CNTN1: variants seen among roughly 807,000 people sequenced by gnomAD.
CNTN1 encodes contactin-1.
A neutral mutation model predicts 126.4 loss-of-function variants in CNTN1; 38 were observed. That is an observed-to-expected ratio of 0.30 (90% CI 0.23 to 0.39). The LOEUF (loss-of-function observed/expected upper bound fraction) is 0.39. CNTN1 is among the 10% of genes least tolerant of loss of function. The pLI, the probability that CNTN1 is intolerant of heterozygous loss-of-function variation, is 1.00. For synonymous variants in CNTN1, 413 were observed against 422.6 expected, an observed-to-expected ratio of 0.98 and a Z score of 0.28; for missense variants, 1,009 against 1,248.4, an observed-to-expected ratio of 0.81 and a Z score of 2.89.
At chr12:40,875,385 G>A (rs974045909) in intron 1 of CNTN1, among the ~76,000 whole-genome samples, 1 of 151,910 alleles carries the variant, frequency 6.6e-6, no homozygotes, top group Non-Finnish European at 1.5e-5. Flanking sequence ...TTGCCCATTT[G>A]TATCCACACC....
At chr12:40,728,519 G>C (rs1020044106) in intron 1 of CNTN1, among the ~76,000 whole-genome samples, 1 of 152,090 alleles carries the variant, frequency 6.6e-6, no homozygotes, top group Admixed American at 6.6e-5. Context: ...GGTAGAACTA[G>C]ACCCTACTTG....
Position 40,707,073 on chromosome 12 carries a change from CA to C in CNTN1, c.-77+14482del, listed in dbSNP as rs1426365523. On this transcript the variant is annotated intron_variant, in intron 1 of 23. Coordinates refer to ENST00000551295, the MANE Select transcript of CNTN1 (RefSeq NM_001843.4). Reference sequence around the variant, plus strand: ...ACACACACACACACACACACACACACACACACACACACACACCCCTGCTCAG... The same window carrying C: ...ACACACACACACACACACACACACACCACACACACACACACCCCTGCTCAG... 2.9e-3 allele frequency among the ~76,000 whole-genome samples: 443 copies of C among 150,890 alleles called. 5 individuals are homozygous for C. The highest frequency in any genetic ancestry group is 9.9e-3 in the African/African-American group (399 of 40,494).
chr12:40,810,770 C>A (rs1159425189), intron 1 of CNTN1, among the ~76,000 whole-genome samples: 1 of 152,056 alleles, frequency 6.6e-6, no homozygotes, highest in African/African-American at 2.4e-5. Context: ...TAATTTCAGA[C>A]CTTTGGGAGG....
intron 14 of CNTN1, among the ~76,000 whole-genome samples, chr12:40,950,598 A>G (rs940664249): frequency 4.6e-5 from 7 of 152,182 alleles, no homozygotes; most frequent in Non-Finnish European, 8.8e-5. Flanking sequence ...TTTTCTTATC[A>G]GTAGTTAGTT....
At chr12:40,769,071 T>A (rs767298814) in intron 1 of CNTN1, among the ~76,000 whole-genome samples, 2 of 152,188 alleles carry the variant, frequency 1.3e-5, no homozygotes, top group Non-Finnish European at 2.9e-5. Flanking sequence ...TGAGTGGGTA[T>A]AATTGCTTTC....
At chr12:41,066,541 A>G (rs1950052682) in intron 23 of CNTN1, among the ~76,000 whole-genome samples, 1 of 152,306 alleles carries the variant, frequency 6.6e-6, no homozygotes, top group Middle Eastern at 3.4e-3. Context: ...TCTGTCTTGA[A>G]GTTGTTCATA....
chr12:41,068,144 T>C (rs1950087679), intron 23 of CNTN1, among the ~76,000 whole-genome samples: 1 of 152,162 alleles, frequency 6.6e-6, no homozygotes, highest in Admixed American at 6.5e-5. Flanking sequence ...GCTGGACAAA[T>C]TTGAATTCTA....
intron 1 of CNTN1, among the ~76,000 whole-genome samples, chr12:40,719,335 T>C (rs1361517781): frequency 6.6e-6 from 1 of 152,202 alleles, no homozygotes; most frequent in Non-Finnish European, 1.5e-5. Context: ...TTTCGGAGTA[T>C]GGTATTTATG....
intron 23 of CNTN1, among the ~76,000 whole-genome samples, chr12:41,047,836 A>C (rs374699670): frequency 6.6e-6 from 1 of 151,816 alleles, no homozygotes; most frequent in African/African-American, 2.4e-5. Context: ...TTTCATTACT[A>C]TCTACATAAT....
chr12:40,733,697 A>G (rs1942553138), intron 1 of CNTN1, among the ~76,000 whole-genome samples: 1 of 151,980 alleles, frequency 6.6e-6, no homozygotes, highest in Non-Finnish European at 1.5e-5. Flanking sequence ...TAAATATTTT[A>G]TATTTAAAAA....
At chr12:40,866,738 T>A (rs764487993) in intron 1 of CNTN1, among the ~76,000 whole-genome samples, 1 of 152,206 alleles carries the variant, frequency 6.6e-6, no homozygotes, top group Admixed American at 6.5e-5. Context: ...AATTTTTACA[T>A]TTGTGGATCT....
chr12:40,700,328 C>A (rs1198932664), intron 1 of CNTN1, among the ~76,000 whole-genome samples: 1 of 151,954 alleles, frequency 6.6e-6, no homozygotes, highest in African/African-American at 2.4e-5. Flanking sequence ...GAGTTTGAGA[C>A]CAGCCTGGCC....
At chr12:41,059,238 A>T (rs1156822259) in intron 23 of CNTN1, among the ~76,000 whole-genome samples, 2 of 151,578 alleles carry the variant, frequency 1.3e-5, no homozygotes, top group Non-Finnish European at 2.9e-5. Flanking sequence ...ACAGCCTCAA[A>T]CAGGTGAATC....
In CNTN1 at chr12:41,002,620, C is replaced by T. The variant is rs146866575; in HGVS notation, c.2113+9351C>T. On this transcript the variant is annotated intron_variant, in intron 17 of 23. Coordinates refer to ENST00000551295, the MANE Select transcript of CNTN1 (RefSeq NM_001843.4). ...TTGCCCAGGCTGGAGTGCAGTGGTG[C>T]AATCTCCGCTCACTGCAACCTCTGC... Among the ~76,000 whole-genome samples, 631 of 143,622 alleles carry T rather than the reference C, an allele frequency of 4.4e-3. 5 individuals carry two copies. Among genetic ancestry groups the T allele is most frequent in the African/African-American group, 0.016 (597 of 37,568 alleles). The allele number at this position is 143,622 out of a possible 152,430, so 94.2% of individuals were successfully genotyped here. A position where few individuals can be genotyped will look rare whatever the true frequency, so the allele number is the denominator to read the frequency against.
intron 1 of CNTN1, among the ~76,000 whole-genome samples, chr12:40,801,754 C>T (rs1056453619): frequency 2.0e-5 from 3 of 151,666 alleles, no homozygotes; most frequent in Admixed American, 6.6e-5. Flanking sequence ...AAATATTAAT[C>T]GTAGTGGGAA....
chr12:40,814,892 G>C (rs1941207763), intron 1 of CNTN1, among the ~76,000 whole-genome samples: 1 of 152,018 alleles, frequency 6.6e-6, no homozygotes, highest in African/African-American at 2.4e-5. Flanking sequence ...GTTTGTAGCT[G>C]TCCTCGAAAA....
chr12:40,859,124 C>T (rs1159155975), intron 1 of CNTN1, among the ~76,000 whole-genome samples: 1 of 151,696 alleles, frequency 6.6e-6, no homozygotes, highest in Non-Finnish European at 1.5e-5. Flanking sequence ...CACATGTACC[C>T]CAGAACTTAA....
At chr12:40,792,519 G>T (rs1940256761) in intron 1 of CNTN1, among the ~76,000 whole-genome samples, 1 of 151,680 alleles carries the variant, frequency 6.6e-6, no homozygotes, top group African/African-American at 2.4e-5. Context: ...CATTCAAGAA[G>T]ACAGAAAATG....
intron 1 of CNTN1, among the ~76,000 whole-genome samples, chr12:40,887,599 A>C (rs1428642282): frequency 6.6e-6 from 1 of 152,092 alleles, no homozygotes; most frequent in Non-Finnish European, 1.5e-5. Flanking sequence ...TGTGGAAGTC[A>C]GTGTGGCAAT....
Sources: gnomAD v4.1 joint callset for allele counts (sites outside exome capture counted in the v4.1 genomes callset) on GRCh38, gnomAD v4.1.1 for gene constraint, MANE v1.5 for transcripts, NCBI Gene and HGNC (gene_info 2026-07-23, HGNC 2026-07-21) for gene names.